The following CERT1 variants were observed in gnomAD, a reference collection of about 807,000 sequenced individuals.
CERT1 encodes the protein ceramide transfer protein.
CERT1 carries 31 observed loss-of-function variants against 87.9 expected under a neutral mutation model. The ratio of observed to expected loss-of-function variants is 0.35; its 90% CI spans 0.27 to 0.48. CERT1 has a LOEUF of 0.48. CERT1 is among the 20% of genes least tolerant of loss of function. CERT1 has a pLI of 0.99. For missense variants in CERT1, 487 were observed against 758.0 expected (o/e 0.64, Z 4.20); for synonymous variants, 289 against 250.9 (o/e 1.15, Z -1.44).
At chr5:75,419,847 C>T (rs1763296501) in intron 5 of CERT1, among the ~76,000 whole-genome samples, 1 of 152,130 alleles carries the variant, frequency 6.6e-6, no homozygotes, top group Admixed American at 6.5e-5. Flanking sequence ...ATTATTTCAC[C>T]CTGTAGTCTT....
intron 8 of CERT1, among the ~76,000 whole-genome samples, chr5:75,403,666 T>C (rs1434058618): frequency 1.3e-5 from 2 of 152,194 alleles, no homozygotes; most frequent in African/African-American, 4.8e-5. Flanking sequence ...CAGGTAATTG[T>C]TTCATGGGGA....
At chr5:75,465,730 T>C (rs1437610592) in intron 2 of CERT1, among the ~76,000 whole-genome samples, 1 of 152,228 alleles carries the variant, frequency 6.6e-6, no homozygotes, top group East Asian at 1.9e-4. Context: ...TGGCACTGCT[T>C]CTACTGGAAA....
chr5:75,467,218 T>C (rs1466184530), intron 2 of CERT1, among the ~76,000 whole-genome samples: 1 of 152,200 alleles, frequency 6.6e-6, no homozygotes, highest in Non-Finnish European at 1.5e-5. Flanking sequence ...CAAAAAGCTA[T>C]ATACTGTATG....
intron 3 of CERT1, among the ~76,000 whole-genome samples, chr5:75,456,983 GA>G (rs1422371928): frequency 6.6e-6 from 1 of 152,190 alleles, no homozygotes; most frequent in Non-Finnish European, 1.5e-5. Context: ...AATTAAAACA[GA>G]AAAAAACTTG....
chr5:75,404,138 C>A (rs1762609634), intron 8 of CERT1, among the ~76,000 whole-genome samples: 1 of 151,986 alleles, frequency 6.6e-6, no homozygotes, highest in African/African-American at 2.4e-5. Flanking sequence ...AAGTATCTAG[C>A]AACATCGTCC....
chr5:75,493,160 T>G (rs979341988), intron 2 of CERT1, among the ~76,000 whole-genome samples: 2 of 152,176 alleles, frequency 1.3e-5, no homozygotes, highest in Non-Finnish European at 2.9e-5. Context: ...TTATGAAAAA[T>G]TTCACATATA....
rs1761771422 is a variant in CERT1, at chr5:75,386,034, C to T, written c.1285G>A (p.Val429Ile). Reference protein sequence around the residue: ...QLVVEEGEMKVYRREVEENGI... With the variant: ...QLVVEEGEMKIYRREVEENGI... ...TTTTCTTCTACTTCTCTTCTGTATA[C>T]CTAAAGAGAACATAATTCCAAAACT... The change falls in exon 13 of 17, where the codon GTA becomes ATA. Residue 429 changes from valine to isoleucine, a missense_variant and splice_region_variant. Physicochemically the swap from Val to Ile is conservative, Grantham distance 29. Transcript: ENST00000643780. 6.6e-7 allele frequency: 1 copy of T among 1,512,482 alleles called. No homozygotes were observed. The highest frequency in any genetic ancestry group is 1.4e-5 in the African/African-American group (1 of 70,650). 93.7% of individuals were successfully genotyped at this position (1,512,482 alleles called of 1,614,324 possible).
At chr5:75,399,811 A>G (rs770286734) in intron 10 of CERT1, among the ~76,000 whole-genome samples, 1 of 152,240 alleles carries the variant, frequency 6.6e-6, no homozygotes, top group Non-Finnish European at 1.5e-5. Context: ...CTCATTACTT[A>G]AATTAATGAA....
chr5:75,485,358 G>C (rs1321571031), intron 2 of CERT1, among the ~76,000 whole-genome samples: 1 of 135,538 alleles, frequency 7.4e-6, no homozygotes, highest in South Asian at 2.4e-4. Context: ...AAAGGAAAGA[G>C]AGCCTATGGT....
In CERT1 at chr5:75,399,375, A is replaced by G; in HGVS notation, c.1123T>C (p.Ser375Pro). ...HRFVQKPYSR[S>P]SSMSSIDLVS... ...AGATCAATGGAAGACATGGAGGAAGAGCGACTATAGGGCTACCAGAGACAG... is the reference window on the plus strand; with the variant it reads ...AGATCAATGGAAGACATGGAGGAAGGGCGACTATAGGGCTACCAGAGACAG... The change falls in exon 11 of 17, where the codon TCT becomes CCT. Residue 375 changes from serine to proline, a missense_variant. By Grantham distance (74) the Ser-to-Pro change is moderately conservative (BLOSUM62 -1). This residue lies in a region of CERT1 where 91 missense variants were observed against 86.7 expected (regional missense o/e 1.05). Coordinates refer to ENST00000643780, the MANE Select transcript of CERT1 (RefSeq NM_001379029.1). The G allele has an allele frequency of 6.2e-7, 1 of 1,613,330 alleles. No homozygotes were observed. Among genetic ancestry groups the G allele is most frequent in the South Asian group, 1.1e-5 (1 of 91,058 alleles).
chr5:75,387,710 C>T (rs1561225370), intron 12 of CERT1, among the ~76,000 whole-genome samples: 1 of 151,468 alleles, frequency 6.6e-6, no homozygotes, highest in South Asian at 2.1e-4. Context: ...CCATTGCACT[C>T]CAGCCTGGGT....
At chr5:75,386,118 C>T (rs1761774770) in intron 12 of CERT1, 84 bp from the exon 13 acceptor site, 1 of 1,070,748 alleles carries the variant, frequency 9.3e-7, no homozygotes, top group South Asian at 3.5e-5. Context: ...AATACAGCTG[C>T]TCTTTAGATT....
intron 7 of CERT1, among the ~76,000 whole-genome samples, chr5:75,412,947 T>C (rs1322617809): frequency 6.6e-6 from 1 of 152,236 alleles, no homozygotes; most frequent in Non-Finnish European, 1.5e-5. Context: ...CTGTAACTTT[T>C]ACTTTATAAA....
chr5:75,490,330 G>A (rs1219821754), intron 2 of CERT1, among the ~76,000 whole-genome samples: 1 of 152,118 alleles, frequency 6.6e-6, no homozygotes, highest in Non-Finnish European at 1.5e-5. Context: ...ATGTATCCCA[G>A]AGCTTAAAGT....
chr5:75,391,869 CAG>C (rs1434725994), intron 11 of CERT1, among the ~76,000 whole-genome samples: 27 of 152,076 alleles, frequency 1.8e-4, no homozygotes, highest in African/African-American at 5.8e-4. Context: ...AGATAAGAGA[CAG>C]AAAGAAATGC....
In CERT1 at chr5:75,400,213, C is replaced by G; in HGVS notation, c.1102G>C (p.Val368Leu). The G allele has an allele frequency of 6.2e-7, 1 of 1,608,274 alleles. No individual in the cohort carries two copies. Among genetic ancestry groups the G allele is most frequent in the Non-Finnish European group, 8.5e-7 (1 of 1,174,858 alleles). ...CTCTGACATTAGCTTACCTTTTGGA[C>G]AAATCTATGTGTCCCCACAGAAGAA... The part of the protein sequence containing the change: ...AFSSVGTHRF[V>L]QKPYSRSSSM... Residue 368 changes from valine (V) to leucine (L), a missense_variant, in exon 10 of 17, where the codon GTC (valine) becomes CTC (leucine). Physicochemically the swap from Val to Leu is conservative, Grantham distance 32 (BLOSUM62 1). Around this residue, in one of 8 missense-constraint regions of CERT1, gnomAD observed 91 missense variants for 86.7 expected, o/e 1.05. Coordinates refer to ENST00000643780, the MANE Select transcript of CERT1 (RefSeq NM_001379029.1).
intron 2 of CERT1, among the ~76,000 whole-genome samples, chr5:75,489,730 A>G (rs1174231122): frequency 6.6e-6 from 1 of 152,218 alleles, no homozygotes; most frequent in East Asian, 1.9e-4. Context: ...AAAAGTCAGG[A>G]AACAATAGAT....
At chr5:75,504,537 T>A (rs544581097) in intron 2 of CERT1, among the ~76,000 whole-genome samples, 14 of 152,212 alleles carry the variant, frequency 9.2e-5, no homozygotes, top group Admixed American at 9.2e-4. Context: ...ATAACAAACA[T>A]ACGCTAAGTA....
chr5:75,458,533 T>C (rs1765094957), intron 3 of CERT1, among the ~76,000 whole-genome samples: 1 of 152,156 alleles, frequency 6.6e-6, no homozygotes, highest in Non-Finnish European at 1.5e-5. Flanking sequence ...ATTTTTGATG[T>C]AGTTAACAAT....
Sources: allele counts gnomAD v4.1 joint callset (sites outside exome capture counted in the v4.1 genomes callset), GRCh38; gene constraint gnomAD v4.1.1; regional missense constraint gnomAD v4.1.1; transcripts MANE v1.5; gene names NCBI Gene and HGNC (gene_info 2026-07-23, HGNC 2026-07-21).